Variants in ZNF487 observed in about 807,000 individuals in gnomAD.
The protein encoded by ZNF487 is KRAB domain only 1.
In ZNF487, 4 loss-of-function variants were observed where a neutral mutation model predicts 3.0. That is an observed-to-expected ratio of 1.35 (90% confidence interval 0.66 to 3.08). The LOEUF (loss-of-function observed/expected upper bound fraction) is 3.08. Ranked by LOEUF, ZNF487 falls within the 30% of genes most tolerant of loss-of-function variation. The pLI, the probability that ZNF487 is intolerant of heterozygous loss-of-function variation, is 0.01. For missense variants in ZNF487, 146 were observed against 98.7 expected (o/e 1.48, Z -2.03); for synonymous variants, 55 against 34.6 (o/e 1.59, Z -2.06).
downstream of ZNF487, among the ~76,000 whole-genome samples, chr10:43,486,681 A>G (rs1230867225): frequency 6.6e-6 from 1 of 152,216 alleles, no homozygotes; most frequent in African/African-American, 2.4e-5. Context: ...ATATCACACA[A>G]TGGTAAATAG....
At chr10:43,440,054 A>G (rs61412040) in intron 1 of ZNF487, among the ~76,000 whole-genome samples, 47 of 147,662 alleles carry the variant, frequency 3.2e-4, no homozygotes, top group Non-Finnish European at 3.6e-4. Context: ...ATATATATAT[A>G]TTTTTTTTTT....
rs1426107226 is a variant in ZNF487, at chr10:43,437,233, G to C, written c.-123G>C. ...GAGACCGCCGAGGTGCGGGCTGTGA[G>C]AGGGGGAGCGTGGAGCCTCCGAGGC... On this transcript the variant is annotated 5_prime_UTR_variant, in exon 1 of 4. Coordinates refer to ENST00000437590, the MANE Select transcript of ZNF487 (RefSeq NM_001355444.3). 1 of 237,486 alleles carries C rather than the reference G, an allele frequency of 4.2e-6. No homozygotes were observed. Among genetic ancestry groups the C allele is most frequent in the Non-Finnish European group, 8.6e-6 (1 of 116,822 alleles). 14.7% of individuals were successfully genotyped at this position (237,486 alleles called of 1,614,324 possible).
the ZNF487 span, among the ~76,000 whole-genome samples, chr10:43,496,387 C>G: frequency 3.9e-5 from 6 of 152,262 alleles, no homozygotes; most frequent in East Asian, 5.8e-4. Flanking sequence ...CTTCAGAAGG[C>G]TTGAAGCTAT....
At chr10:43,512,869 C>CTT in the ZNF487 span, among the ~76,000 whole-genome samples, 1 of 151,956 alleles carries the variant, frequency 6.6e-6, no homozygotes, top group Non-Finnish European at 1.5e-5. Flanking sequence ...AGGCATTGTG[C>CTT]CTTTCTTGGT....
intron 1 of ZNF487, among the ~76,000 whole-genome samples, chr10:43,446,639 G>A (rs971841772): frequency 1.3e-5 from 2 of 151,584 alleles, no homozygotes; most frequent in South Asian, 2.1e-4. Flanking sequence ...GACGATGGGC[G>A]CCCGGGCAGA....
chr10:43,491,093 A>C, the ZNF487 span, among the ~76,000 whole-genome samples: 9 of 149,754 alleles, frequency 6.0e-5, no homozygotes, highest in South Asian at 1.9e-3. Context: ...CAGCCTCCTG[A>C]GTAGCTGGGA....
chr10:43,509,458 C>T, the ZNF487 span, among the ~76,000 whole-genome samples: 1 of 135,274 alleles, frequency 7.4e-6, no homozygotes, highest in South Asian at 2.4e-4. Flanking sequence ...ACTAATGGAA[C>T]ATATATATAT....
At chr10:43,455,233 G>C (rs913529375) in intron 1 of ZNF487, among the ~76,000 whole-genome samples, 2 of 151,950 alleles carry the variant, frequency 1.3e-5, no homozygotes, top group Non-Finnish European at 2.9e-5. Context: ...GGATGGTCTC[G>C]ATCTCCTGAC....
At position 43,457,557 on chromosome 10, in the gene ZNF487, G is replaced by GAAAAA. The variant is rs1369137448; in HGVS notation, c.-93-18164_-93-18163insAAAAA. Among the ~76,000 whole-genome samples the GAAAAA allele has an allele frequency of 6.8e-5, 7 of 103,334 alleles. 2 individuals carry two copies. The highest frequency in any genetic ancestry group is 1.3e-4 in the Non-Finnish European group (6 of 45,590). The allele number at this position is 103,334 out of a possible 152,430, so 67.8% of individuals were successfully genotyped here. On this transcript the variant is annotated intron_variant, in intron 1 of 3. Coordinates refer to ENST00000437590, the MANE Select transcript of ZNF487 (RefSeq NM_001355444.3). ...GCGACAAAGCAAGACTCTGTCTTGG[G>GAAAAA]GAAAAAAAAAAAAAAAAAAGAAAAA...
At chr10:43,461,363 C>T (rs911580243) in intron 1 of ZNF487, among the ~76,000 whole-genome samples, 4 of 151,796 alleles carry the variant, frequency 2.6e-5, no homozygotes, top group Non-Finnish European at 5.9e-5. Context: ...GTCACCCAGG[C>T]TGGAGCGCAG....
chr10:43,446,676 G>A (rs890968886), intron 1 of ZNF487, among the ~76,000 whole-genome samples: 3 of 151,826 alleles, frequency 2.0e-5, no homozygotes, highest in African/African-American at 7.3e-5. Context: ...TAGACGGGAT[G>A]ACGGCCGGGA....
chr10:43,484,273 T>C (rs1418402705), downstream of ZNF487, among the ~76,000 whole-genome samples: 1 of 152,152 alleles, frequency 6.6e-6, no homozygotes, highest in Non-Finnish European at 1.5e-5. Flanking sequence ...CCTGAGAGAA[T>C]CAATGAATTA....
At chr10:43,473,616 T>G (rs1840984442) in intron 1 of ZNF487, among the ~76,000 whole-genome samples, 1 of 152,104 alleles carries the variant, frequency 6.6e-6, no homozygotes, top group Non-Finnish European at 1.5e-5. Flanking sequence ...CCTCCCGGGT[T>G]CACGCCATTC....
the ZNF487 span, among the ~76,000 whole-genome samples, chr10:43,516,662 G>T: frequency 2.0e-5 from 3 of 152,166 alleles, no homozygotes; most frequent in Non-Finnish European, 2.9e-5. Context: ...TAGGCTGGGA[G>T]GCTAGGCCAG....
chr10:43,480,039 CT>C lies in ZNF487; in HGVS notation c.131-1387del, dbSNP rs1841285342. On this transcript the variant is annotated intron_variant, in intron 3 of 3. Transcript: ENST00000437590. ...TCTTTCTTTCTTTCTTTCTTTCTTT[CT>C]TTCTTTTTCTTTCTTTCTTCCTTGC... is the stretch of plus-strand genomic sequence containing the variant. 5.2e-5 allele frequency among the ~76,000 whole-genome samples: 4 copies of C among 77,642 alleles called. No individual in the cohort carries two copies. The South Asian group carries it at 1.7e-3, about 32-fold the overall frequency. 50.9% of individuals were successfully genotyped at this position (77,642 alleles called of 152,430 possible).
At chr10:43,494,765 CAAAAAAAA>C in the ZNF487 span, among the ~76,000 whole-genome samples, 20 of 35,776 alleles carry the variant, frequency 5.6e-4, no homozygotes, top group African/African-American at 1.8e-3. Flanking sequence ...ACTAAAAATA[CAAAAAAAA>C]AAAAAAAAAA....
the ZNF487 span, among the ~76,000 whole-genome samples, chr10:43,497,983 G>A: frequency 7.7e-6 from 1 of 130,390 alleles, no homozygotes; most frequent in Non-Finnish European, 1.6e-5. Context: ...AAAGAAAAAA[G>A]ATATATATAT....
intron 1 of ZNF487, among the ~76,000 whole-genome samples, chr10:43,448,570 C>T (rs954463604): frequency 6.6e-6 from 1 of 151,784 alleles, no homozygotes; most frequent in Non-Finnish European, 1.5e-5. Context: ...AATCCCAGCA[C>T]ATTGGGAGGC....
the ZNF487 span, among the ~76,000 whole-genome samples, chr10:43,511,513 GA>G: frequency 6.6e-6 from 1 of 152,160 alleles, no homozygotes; most frequent in Non-Finnish European, 1.5e-5. Flanking sequence ...CATGATGGAA[GA>G]GGTCCAATAT....
Sources: gnomAD v4.1 joint callset for allele counts (sites outside exome capture counted in the v4.1 genomes callset) on GRCh38, gnomAD v4.1.1 for gene constraint, MANE v1.5 for transcripts, NCBI Gene and HGNC (gene_info 2026-07-23, HGNC 2026-07-21) for gene names.